KIF16B: variants seen among roughly 807,000 people sequenced by gnomAD.
KIF16B encodes kinesin-like protein KIF16B.
A neutral mutation model predicts 156.3 loss-of-function variants in KIF16B; 98 were observed. The observed-to-expected ratio is 0.63, with a 90% CI of 0.53 to 0.74. The LOEUF is 0.74. Ranked by LOEUF, KIF16B falls within the 30% of genes least tolerant of loss-of-function variation. KIF16B has a pLI of 0.00. For synonymous variants in KIF16B, 564 were observed against 583.7 expected (o/e 0.97, Z 0.49); for missense variants, 1,421 against 1,606.5 (o/e 0.88, Z 1.97).
At chr20:16,325,257 C>A (rs1007357682) in intron 24 of KIF16B, among the ~76,000 whole-genome samples, 2 of 151,790 alleles carry the variant, frequency 1.3e-5, no homozygotes. Context: ...AAGGGGGATG[C>A]ACACTTTCAC....
At chr20:16,342,528 T>C (rs960717390) in intron 23 of KIF16B, among the ~76,000 whole-genome samples, 1 of 152,174 alleles carries the variant, frequency 6.6e-6, no homozygotes, top group African/African-American at 2.4e-5. Context: ...TTCTGGTGGT[T>C]TCATTAAGGT....
At chr20:16,514,458 T>G (rs899689490) in intron 4 of KIF16B, among the ~76,000 whole-genome samples, 3 of 151,794 alleles carry the variant, frequency 2.0e-5, no homozygotes, top group Non-Finnish European at 4.4e-5. Context: ...CTCCAAACCT[T>G]CAGCATTACA....
At chr20:16,560,847 A>G (rs2071030990) in intron 1 of KIF16B, among the ~76,000 whole-genome samples, 1 of 152,196 alleles carries the variant, frequency 6.6e-6, no homozygotes, top group Non-Finnish European at 1.5e-5. Context: ...AGTCACTCTG[A>G]CGGCATGATG....
chr20:16,386,452 G>C (rs1240706636), intron 17 of KIF16B, among the ~76,000 whole-genome samples: 2 of 151,962 alleles, frequency 1.3e-5, no homozygotes, highest in African/African-American at 2.4e-5. Flanking sequence ...CTGGGGCTGG[G>C]GCTGGACTGC....
At chr20:16,316,701 C>A (rs1183985928) in intron 24 of KIF16B, among the ~76,000 whole-genome samples, 2 of 152,076 alleles carry the variant, frequency 1.3e-5, no homozygotes, top group Non-Finnish European at 2.9e-5. Flanking sequence ...CAGAAGAGGG[C>A]TGGACTTTTT....
chr20:16,529,392 G>A (rs1803966779), intron 1 of KIF16B, among the ~76,000 whole-genome samples: 1 of 152,174 alleles, frequency 6.6e-6, no homozygotes, highest in South Asian at 2.1e-4. Context: ...ACCACAAAGT[G>A]AGAAACTATT....
chr20:16,549,095 T>C (rs1332510718), intron 1 of KIF16B, among the ~76,000 whole-genome samples: 2 of 151,096 alleles, frequency 1.3e-5, no homozygotes, highest in African/African-American at 4.9e-5. Flanking sequence ...ATTGTGCAGG[T>C]TAGTTACATA....
At chr20:16,395,595 T>C (rs2065480634) in intron 17 of KIF16B, among the ~76,000 whole-genome samples, 1 of 152,126 alleles carries the variant, frequency 6.6e-6, no homozygotes. Flanking sequence ...ATTCTTAATC[T>C]GAAAGCACCA....
At chr20:16,510,281 A>T (rs1276829841) in intron 6 of KIF16B, among the ~76,000 whole-genome samples, 1 of 152,220 alleles carries the variant, frequency 6.6e-6, no homozygotes, top group Non-Finnish European at 1.5e-5. Context: ...TATACCACAC[A>T]CCACAGAACA....
intron 25 of KIF16B, among the ~76,000 whole-genome samples, chr20:16,290,931 A>C (rs2063305542): frequency 6.6e-6 from 1 of 152,230 alleles, no homozygotes; most frequent in South Asian, 2.1e-4. Context: ...GCAAATTAAA[A>C]AGTTCCTTTT....
intron 10 of KIF16B, among the ~76,000 whole-genome samples, chr20:16,502,555 A>G (rs954816672): frequency 6.6e-6 from 1 of 152,186 alleles, no homozygotes; most frequent in Admixed American, 6.5e-5. Flanking sequence ...AAATTACAGC[A>G]ACAAAAATAC....
intron 25 of KIF16B, among the ~76,000 whole-genome samples, chr20:16,305,244 A>G (rs762738801): frequency 5.9e-5 from 9 of 152,162 alleles, no homozygotes; most frequent in Admixed American, 1.3e-4. Flanking sequence ...AACGCCAGAC[A>G]AGGTTACTCT....
chr20:16,417,710 G>A (rs1344406355), intron 15 of KIF16B, among the ~76,000 whole-genome samples: 1 of 151,956 alleles, frequency 6.6e-6, no homozygotes, highest in Non-Finnish European at 1.5e-5. Context: ...AATATTACAA[G>A]TGAAAAACAA....
chr20:16,496,387 T>C (rs541769290), intron 11 of KIF16B, among the ~76,000 whole-genome samples: 12 of 152,250 alleles, frequency 7.9e-5, no homozygotes, highest in Non-Finnish European at 1.8e-4. Flanking sequence ...AAAGTAAGCA[T>C]GCCTTGGATT....
Position 16,383,336 on chromosome 20 carries a change from AG to A in KIF16B, c.1785-1590del, listed in dbSNP as rs547530385. ...CACAGTGGTAATAGGTGGTGGAGCC[AG>A]GATGTGAACTCATGGCAGTCTGCTT... is the stretch of plus-strand genomic sequence containing the variant. On this transcript the variant is annotated intron_variant, in intron 17 of 25. Coordinates refer to ENST00000354981, the MANE Select transcript of KIF16B (RefSeq NM_024704.5). Among the ~76,000 whole-genome samples the A allele has an allele frequency of 1.5e-4, 23 of 152,330 alleles. No homozygotes were observed. In the East Asian group the frequency reaches 4.1e-3, roughly 27 times the overall value.
chr20:16,299,175 T>A (rs1462990784), intron 25 of KIF16B, among the ~76,000 whole-genome samples: 1 of 152,130 alleles, frequency 6.6e-6, no homozygotes, highest in East Asian at 1.9e-4. Context: ...TATTTATAGA[T>A]GAAATAATAT....
chr20:16,389,892 T>C (rs1037239767), intron 17 of KIF16B, among the ~76,000 whole-genome samples: 5 of 152,180 alleles, frequency 3.3e-5, no homozygotes, highest in African/African-American at 1.2e-4. Context: ...TAAACTTTCA[T>C]TAGAAAGGTA....
At position 16,273,196 on chromosome 20, in the gene KIF16B, C is replaced by T. The variant is rs2063006822; in HGVS notation, c.*57G>A. 1.1e-5 allele frequency: 17 copies of T among 1,491,752 alleles called. No individual in the cohort carries two copies. Among genetic ancestry groups the T allele is most frequent in the African/African-American group, 2.8e-5 (2 of 72,488 alleles). 92.4% of individuals were successfully genotyped at this position (1,491,752 alleles called of 1,614,324 possible). A position where few individuals can be genotyped will look rare whatever the true frequency, so the allele number is the denominator to read the frequency against. On this transcript the variant is annotated 3_prime_UTR_variant, in exon 26 of 26. Transcript: ENST00000354981. ...CTCGCATGGGGGAGCTGCCCTGCAT[C>T]GGAGCCCGCTTCGACGAGAAGGCAC... is the stretch of plus-strand genomic sequence containing the variant.
intron 1 of KIF16B, among the ~76,000 whole-genome samples, chr20:16,572,098 A>G (rs2071478260): frequency 6.6e-6 from 1 of 152,210 alleles, no homozygotes; most frequent in Non-Finnish European, 1.5e-5. Flanking sequence ...CTTAGAGCAA[A>G]AAAGTCAAAC....
Sources: gnomAD v4.1 joint callset for allele counts (sites outside exome capture counted in the v4.1 genomes callset) on GRCh38, gnomAD v4.1.1 for gene constraint, MANE v1.5 for transcripts, NCBI Gene and HGNC (gene_info 2026-07-23, HGNC 2026-07-21) for gene names.